B3GAT2: variants seen among roughly 807,000 people sequenced by gnomAD.
B3GAT2 encodes the protein beta-1,3-glucuronyltransferase 2.
B3GAT2 carries 26 observed loss-of-function variants against 27.8 expected under a neutral mutation model. The observed-to-expected ratio is 0.93, with a 90% CI of 0.68 to 1.30. The LOEUF is 1.30. B3GAT2 is among the 50% of genes most tolerant of loss of function. The probability of loss-of-function intolerance (pLI) is 0.00; values close to 1 mark genes in which losing one functional copy is unlikely to be tolerated. For synonymous variants in B3GAT2, 218 were observed against 195.1 expected, an observed-to-expected ratio of 1.12 and a Z score of -0.98; for missense variants, 458 against 459.0, an observed-to-expected ratio of 1.00 and a Z score of 0.02.
At chr6:70,862,144 G>A in intron 2 of B3GAT2, 166 bp from the exon 3 acceptor site, 1 of 630,520 alleles carries the variant, frequency 1.6e-6, no homozygotes, top group Non-Finnish European at 2.7e-6. Context: ...CAGTCTCAAA[G>A]GAAAATCAGT....
intron 2 of B3GAT2, among the ~76,000 whole-genome samples, chr6:70,880,151 C>T (rs1050389118): frequency 2.0e-5 from 3 of 151,886 alleles, no homozygotes; most frequent in African/African-American, 4.8e-5. Flanking sequence ...AGTGGTAAAC[C>T]GGACCGACTG....
At chr6:70,945,738 C>G in intron 1 of B3GAT2, among the ~76,000 whole-genome samples, 1 of 148,912 alleles carries the variant, frequency 6.7e-6, no homozygotes, top group East Asian at 2.0e-4. Flanking sequence ...AAAGATACTC[C>G]TCGAGAAGAG....
chr6:70,861,492 G>A lies in B3GAT2; in HGVS notation c.*171C>T. ...ACATTTTGTACCAACCATCCAATTAGCTTATGTTAACTGACAAGCTCCATT... is the reference window on the plus strand; with the variant it reads ...ACATTTTGTACCAACCATCCAATTAACTTATGTTAACTGACAAGCTCCATT... On this transcript the variant is annotated 3_prime_UTR_variant, in exon 4 of 4. Transcript: ENST00000230053. 1.6e-6 allele frequency: 1 copy of A among 612,574 alleles called. No homozygotes were observed. Among genetic ancestry groups the A allele is most frequent in the East Asian group, 2.8e-5 (1 of 36,004 alleles). The allele number at this position is 612,574 out of a possible 1,614,324, so 37.9% of individuals were successfully genotyped here. A position where few individuals can be genotyped will look rare whatever the true frequency, so the allele number is the denominator to read the frequency against.
At chr6:70,941,191 A>G (rs922187113) in intron 1 of B3GAT2, among the ~76,000 whole-genome samples, 67 of 152,226 alleles carry the variant, frequency 4.4e-4, no homozygotes, top group African/African-American at 1.6e-3. Context: ...TCCTCCCCCT[A>G]GGCCTCTAGA....
chr6:70,872,963 A>T (rs1280353825), intron 2 of B3GAT2, among the ~76,000 whole-genome samples: 1 of 152,020 alleles, frequency 6.6e-6, no homozygotes, highest in Non-Finnish European at 1.5e-5. Flanking sequence ...CCCTACACAG[A>T]TCCATTCTTT....
At chr6:70,878,117 T>A (rs770107073) in intron 2 of B3GAT2, among the ~76,000 whole-genome samples, 11 of 152,248 alleles carry the variant, frequency 7.2e-5, no homozygotes, top group Non-Finnish European at 1.5e-4. Flanking sequence ...AAATGTTTCA[T>A]GAACACTTGA....
chr6:70,926,396 C>T (rs183790368), intron 1 of B3GAT2, among the ~76,000 whole-genome samples: 125 of 152,228 alleles, frequency 8.2e-4, no homozygotes, highest in African/African-American at 1.7e-3. Flanking sequence ...GGAGGGTGTT[C>T]GAACCCATCT....
chr6:70,947,700 A>G (rs991700287), intron 1 of B3GAT2, among the ~76,000 whole-genome samples: 2 of 151,658 alleles, frequency 1.3e-5, no homozygotes, highest in Non-Finnish European at 2.9e-5. Flanking sequence ...CAATCAATAG[A>G]AAAAGAGGGA....
chr6:70,878,312 C>T (rs1487864853), intron 2 of B3GAT2, among the ~76,000 whole-genome samples: 5 of 152,034 alleles, frequency 3.3e-5, no homozygotes, highest in African/African-American at 1.2e-4. Context: ...TCTATGTCTG[C>T]CTTTAGTTTT....
intron 1 of B3GAT2, among the ~76,000 whole-genome samples, chr6:70,938,440 C>G (rs138771834): frequency 2.0e-5 from 3 of 151,912 alleles, no homozygotes; most frequent in Admixed American, 2.0e-4. Context: ...GAGCCCACAT[C>G]GTCAAGTCAA....
chr6:70,859,288 A>G lies in B3GAT2; in HGVS notation c.*2375T>C. On this transcript the variant is annotated 3_prime_UTR_variant, in exon 4 of 4. Transcript: ENST00000230053. ...CACACCCAGCTCAGGTTAAGGTGCT[A>G]GATGAACCAGGAAGGAGTTAATACT... The G allele has an allele frequency of 7.0e-7, 1 of 1,435,872 alleles. No individual in the cohort carries two copies. The highest frequency in any genetic ancestry group is 1.3e-5 in the South Asian group (1 of 76,946). 88.9% of individuals were successfully genotyped at this position (1,435,872 alleles called of 1,614,324 possible). A position where few individuals can be genotyped will look rare whatever the true frequency, so the allele number is the denominator to read the frequency against.
chr6:70,901,619 C>T (rs1470207084), intron 1 of B3GAT2, among the ~76,000 whole-genome samples: 1 of 152,208 alleles, frequency 6.6e-6, no homozygotes, highest in African/African-American at 2.4e-5. Context: ...CGTAGAGTGG[C>T]TGTGCCCCTC....
chr6:70,879,480 G>GATTCATTC (rs140959014), intron 2 of B3GAT2, among the ~76,000 whole-genome samples: 8,268 of 151,630 alleles, frequency 0.055, 318 homozygotes, highest in African/African-American at 0.1. Flanking sequence ...CTAAACTTAG[G>GATTCATTC]ATTCATTCAT....
At chr6:70,915,633 G>A (rs1347377082) in intron 1 of B3GAT2, among the ~76,000 whole-genome samples, 11 of 152,148 alleles carry the variant, frequency 7.2e-5, no homozygotes, top group African/African-American at 2.7e-4. Context: ...TGGCTAGCCT[G>A]TTTTCCCAGC....
At chr6:70,933,179 A>T (rs528870739) in intron 1 of B3GAT2, among the ~76,000 whole-genome samples, 1 of 152,304 alleles carries the variant, frequency 6.6e-6, no homozygotes, top group Non-Finnish European at 1.5e-5. Flanking sequence ...AGGACAATCA[A>T]CCAATTTTCA....
chr6:70,861,728 T>A lies in B3GAT2; in HGVS notation c.907A>T (p.Thr303Ser). Residue 303 changes from threonine (T) to serine (S), a missense_variant, in exon 4 of 4, where the codon ACA becomes TCA. By Grantham distance (58) the Thr-to-Ser change is moderately conservative. Transcript: ENST00000230053. ...CTKVLVWHTR[T>S]EKVNLANEPK... is the part of the protein sequence containing the mutation. ...TCGTTGGCTAGATTAACCTTCTCTG[T>A]CCGAGTGTGCCACACGAGAACCTGA... 4 of 1,614,126 alleles carry A rather than the reference T, an allele frequency of 2.5e-6. No homozygotes were observed. The highest frequency in any genetic ancestry group is 3.4e-6 in the Non-Finnish European group (4 of 1,179,984).
chr6:70,927,749 T>C (rs1183294934), intron 1 of B3GAT2, among the ~76,000 whole-genome samples: 2 of 152,146 alleles, frequency 1.3e-5, no homozygotes, highest in Non-Finnish European at 2.9e-5. Context: ...TGGGAGACCT[T>C]AACACTCCAC....
intron 1 of B3GAT2, among the ~76,000 whole-genome samples, chr6:70,938,284 C>T (rs1350736160): frequency 2.4e-5 from 3 of 125,992 alleles, no homozygotes; most frequent in Non-Finnish European, 5.0e-5. Flanking sequence ...ACATTCCATG[C>T]TCATGGGTAG....
chr6:70,875,817 C>G (rs1465461662), intron 2 of B3GAT2, among the ~76,000 whole-genome samples: 1 of 152,168 alleles, frequency 6.6e-6, no homozygotes, highest in African/African-American at 2.4e-5. Context: ...AAGTGAAACA[C>G]TCTGCATTTC....
Sources: allele counts gnomAD v4.1 joint callset (sites outside exome capture counted in the v4.1 genomes callset), GRCh38; gene constraint gnomAD v4.1.1; transcripts MANE v1.5; gene names NCBI Gene and HGNC (gene_info 2026-07-23, HGNC 2026-07-21).